The following KIF18A variants were observed in gnomAD, a reference collection of about 807,000 sequenced individuals.
KIF18A encodes kinesin-like protein KIF18A.
In KIF18A, 67 loss-of-function variants were observed where a neutral mutation model predicts 103.3. That is an observed-to-expected ratio of 0.65 (90% CI 0.53 to 0.79). The LOEUF is 0.79. Ranked by LOEUF, KIF18A falls within the 30% of genes least tolerant of loss-of-function variation. The probability of loss-of-function intolerance (pLI) is 0.00; values close to 1 mark genes in which losing one functional copy is unlikely to be tolerated. For synonymous variants in KIF18A, 367 were observed against 355.5 expected, an observed-to-expected ratio of 1.03 and a Z score of -0.36; for missense variants, 1,032 against 1,062.5, an observed-to-expected ratio of 0.97 and a Z score of 0.40.
chr11:28,070,879 C>G (rs563857713), intron 10 of KIF18A, among the ~76,000 whole-genome samples: 3 of 152,238 alleles, frequency 2.0e-5, no homozygotes, highest in South Asian at 4.1e-4. Context: ...TGTCTCCACA[C>G]AAAAATTAAA....
At chr11:28,087,835 C>T (rs1032314162) in intron 6 of KIF18A, among the ~76,000 whole-genome samples, 3 of 152,144 alleles carry the variant, frequency 2.0e-5, no homozygotes, top group Admixed American at 6.5e-5. Flanking sequence ...TTTCTAATGA[C>T]TAATGATGAG....
chr11:28,028,975 C>A (rs1425718672), intron 15 of KIF18A, among the ~76,000 whole-genome samples: 2 of 152,068 alleles, frequency 1.3e-5, no homozygotes, highest in African/African-American at 2.4e-5. Flanking sequence ...CAAGACTAAA[C>A]CAGGACGAAG....
intron 13 of KIF18A, among the ~76,000 whole-genome samples, chr11:28,046,368 A>G (rs1373156160): frequency 2.0e-5 from 3 of 149,734 alleles, no homozygotes; most frequent in Non-Finnish European, 4.4e-5. Flanking sequence ...ATGCAGCCAT[A>G]AAAAATGATG....
In KIF18A at chr11:28,051,982, A is replaced by G. The variant is rs546952072; in HGVS notation, c.1948+6944T>C. On this transcript the variant is annotated intron_variant, in intron 13 of 16. Transcript: ENST00000263181. ...TCTCTGAAGGTGACTCAATTCTTTTAGATGCTAAGTTCCAAAATTTTAGAT... is the reference window on the plus strand; with the variant it reads ...TCTCTGAAGGTGACTCAATTCTTTTGGATGCTAAGTTCCAAAATTTTAGAT... Among the ~76,000 whole-genome samples the G allele has an allele frequency of 2.6e-5, 4 of 152,186 alleles. No individual in the cohort carries two copies. The East Asian group carries it at 5.8e-4, about 22-fold the overall frequency.
At chr11:28,081,718 G>T (rs1851167825) in intron 9 of KIF18A, among the ~76,000 whole-genome samples, 1 of 152,066 alleles carries the variant, frequency 6.6e-6, no homozygotes. Flanking sequence ...TTTGACTTTT[G>T]TGTCTTCTTA....
chr11:28,048,611 T>A (rs1850670588), intron 13 of KIF18A, among the ~76,000 whole-genome samples: 1 of 152,152 alleles, frequency 6.6e-6, no homozygotes, highest in Non-Finnish European at 1.5e-5. Context: ...TAATAAAGTA[T>A]ATCTTGTTTC....
chr11:28,025,474 G>A (rs1172953611), intron 15 of KIF18A, among the ~76,000 whole-genome samples: 1 of 151,652 alleles, frequency 6.6e-6, no homozygotes, highest in Non-Finnish European at 1.5e-5. Flanking sequence ...TTCATAGTAC[G>A]ATTATGCATT....
Position 28,088,712 on chromosome 11 carries a change from G to A in KIF18A, c.709C>T (p.Arg237Ter), listed in dbSNP as rs765150369. ...ATACTTGCTGTTTTGTCTTGTTGTC[G>A]CAAGTAAATCTTTTTGAAATTACAA... ...RSHAVFQIYL[R>*]QQDKTASINQ... The change falls in exon 6 of 17, where the codon CGA (arginine) becomes TGA (stop). Residue 237 changes from arginine (R) to a stop codon, truncating the protein, a stop_gained. Coordinates refer to ENST00000263181, the MANE Select transcript of KIF18A (RefSeq NM_031217.4). LOFTEE classifies it high-confidence loss of function. 1.9e-5 allele frequency: 31 copies of A among 1,612,268 alleles called. No individual in the cohort carries two copies. The highest frequency in any genetic ancestry group is 2.4e-5 in the Non-Finnish European group (28 of 1,178,924).
intron 15 of KIF18A, among the ~76,000 whole-genome samples, chr11:28,033,750 G>A (rs555681325): frequency 6.6e-6 from 1 of 151,280 alleles, no homozygotes; most frequent in East Asian, 2.0e-4. Context: ...GTTAATGGGG[G>A]GATGCTTAAT....
At chr11:28,025,344 A>G (rs1850303002) in intron 15 of KIF18A, among the ~76,000 whole-genome samples, 2 of 152,084 alleles carry the variant, frequency 1.3e-5, no homozygotes, top group Non-Finnish European at 2.9e-5. Flanking sequence ...TGTCCAAGGC[A>G]GAAATTCTTT....
At chr11:28,036,165 G>A in intron 14 of KIF18A, 52 bp downstream of exon 14, 1 of 1,207,616 alleles carries the variant, frequency 8.3e-7, no homozygotes. Flanking sequence ...TCAACTAATA[G>A]TTGAAAGTCT....
intron 15 of KIF18A, among the ~76,000 whole-genome samples, chr11:28,030,814 T>C (rs1255584683): frequency 1.4e-5 from 2 of 147,628 alleles, no homozygotes; most frequent in Non-Finnish European, 3.0e-5. Flanking sequence ...GAATCTACAA[T>C]GAACTCAAAC....
At position 28,023,752 on chromosome 11, in the gene KIF18A, T is replaced by C. The variant is rs757220711; in HGVS notation, c.2603A>G (p.Lys868Arg). Residue 868 changes from lysine (K) to arginine (R), a missense_variant, in exon 16 of 17, where the codon AAA becomes AGA. By Grantham distance (26) the Lys-to-Arg change is conservative (BLOSUM62 2). Transcript: ENST00000263181. Reference protein sequence around the residue: ...NSSEKHLQENKPTMEHKRNIC... With the variant: ...NSSEKHLQENRPTMEHKRNIC... Reference sequence around the variant, plus strand: ...AAGCTGAGACATACCCATTGTTGGTTTGTTTTCTTGTAAGTGCTTCTCACT... The same window carrying C: ...AAGCTGAGACATACCCATTGTTGGTCTGTTTTCTTGTAAGTGCTTCTCACT... 1 of 1,601,694 alleles carries C rather than the reference T, an allele frequency of 6.2e-7. No homozygotes were observed. Among genetic ancestry groups the C allele is most frequent in the South Asian group, 1.1e-5 (1 of 90,596 alleles).
rs1284994772 is a variant in KIF18A, at chr11:28,094,711, G to GT, written c.414dup (p.His139ThrfsTer8). ...ATCTCATCCATGCATTTGTAAAGGTGTAACATTGTTAGATACATCACTCCA... is the reference window on the plus strand; with the variant it reads ...ATCTCATCCATGCATTTGTAAAGGTGTTAACATTGTTAGATACATCACTCCA... On this transcript the variant is annotated frameshift_variant, in exon 3 of 17. Transcript: ENST00000263181. LOFTEE classifies it high-confidence loss of function. 1 of 1,612,746 alleles carries GT rather than the reference G, an allele frequency of 6.2e-7. No individual in the cohort carries two copies. Among genetic ancestry groups the GT allele is most frequent in the East Asian group, 2.2e-5 (1 of 44,854 alleles).
chr11:28,042,900 A>G (rs1053887239), intron 13 of KIF18A, among the ~76,000 whole-genome samples: 2 of 151,886 alleles, frequency 1.3e-5, no homozygotes, highest in Admixed American at 6.6e-5. Context: ...AGAGTATTGT[A>G]TAGCTCAGAC....
chr11:28,046,739 G>GAAA (rs11431907), intron 13 of KIF18A, among the ~76,000 whole-genome samples: 107 of 131,294 alleles, frequency 8.1e-4, no homozygotes, highest in East Asian at 6.6e-3. Context: ...GAAATTAAAT[G>GAAA]AAAAAAAAAA....
chr11:28,092,807 A>G (rs1851322881), intron 3 of KIF18A, among the ~76,000 whole-genome samples: 1 of 152,226 alleles, frequency 6.6e-6, no homozygotes, highest in Non-Finnish European at 1.5e-5. Flanking sequence ...TAAACCCTTA[A>G]AAGTAGTAAA....
chr11:28,094,922 A>T, intron 2 of KIF18A, 122 bp from the exon 3 acceptor site: 1 of 891,404 alleles, frequency 1.1e-6, no homozygotes, highest in African/African-American at 1.7e-5. Flanking sequence ...TACAAATCCA[A>T]AATTATAGTC....
intron 12 of KIF18A, among the ~76,000 whole-genome samples, chr11:28,060,701 A>G (rs570239354): frequency 4.7e-5 from 7 of 149,550 alleles, no homozygotes; most frequent in African/African-American, 1.7e-4. Context: ...CTCATATGAC[A>G]AGAGTGGCTC....
Sources: allele counts gnomAD v4.1 joint callset (sites outside exome capture counted in the v4.1 genomes callset), GRCh38; gene constraint gnomAD v4.1.1; transcripts MANE v1.5; gene names NCBI Gene and HGNC (gene_info 2026-07-23, HGNC 2026-07-21).